NTM: variants seen among roughly 807,000 people sequenced by gnomAD.
NTM encodes IgLON family member 2.
A neutral mutation model predicts 42.1 loss-of-function variants in NTM; 13 were observed. The ratio of observed to expected loss-of-function variants is 0.31; its 90% CI spans 0.20 to 0.49. NTM has a LOEUF of 0.49. Ranked by LOEUF, NTM falls within the 20% of genes least tolerant of loss-of-function variation. The pLI is 0.99. For synonymous variants in NTM, 187 were observed against 179.2 expected, an observed-to-expected ratio of 1.04 and a Z score of -0.35; for missense variants, 373 against 452.8, an observed-to-expected ratio of 0.82 and a Z score of 1.60.
chr11:132,133,702 G>A (rs1361041169), intron 2 of NTM, among the ~76,000 whole-genome samples: 4 of 152,144 alleles, frequency 2.6e-5, no homozygotes, highest in African/African-American at 9.7e-5. Flanking sequence ...GAGGCCTAAC[G>A]TATTTGGGAA....
At chr11:132,306,641 C>A (rs949543600) in intron 4 of NTM, among the ~76,000 whole-genome samples, 7 of 152,142 alleles carry the variant, frequency 4.6e-5, no homozygotes, top group Non-Finnish European at 1.0e-4. Context: ...CTAGGGACAG[C>A]CTTATGCCTG....
chr11:131,929,286 A>G (rs1405187932), intron 2 of NTM, among the ~76,000 whole-genome samples: 1 of 151,914 alleles, frequency 6.6e-6, no homozygotes, highest in African/African-American at 2.4e-5. Context: ...GGCAGATACA[A>G]AGGTGCTGAG....
chr11:131,920,593 T>G (rs11222841), intron 2 of NTM, among the ~76,000 whole-genome samples: 12,214 of 152,278 alleles, frequency 0.08, 528 homozygotes, highest in South Asian at 0.15. Context: ...AAATCTCATT[T>G]ATTCACATTG....
intron 2 of NTM, among the ~76,000 whole-genome samples, chr11:132,071,747 C>A (rs2057705575): frequency 6.6e-6 from 1 of 151,822 alleles, no homozygotes. Context: ...AGAGAAAGAA[C>A]ATTTTTTTTT....
intron 2 of NTM, among the ~76,000 whole-genome samples, chr11:132,018,767 A>G (rs1457907644): frequency 6.6e-6 from 1 of 152,010 alleles, no homozygotes; most frequent in South Asian, 2.1e-4. Flanking sequence ...CTTTTTCTAT[A>G]TTTTGGAAGA....
chr11:131,927,398 G>C (rs979791092), intron 2 of NTM, among the ~76,000 whole-genome samples: 3 of 152,164 alleles, frequency 2.0e-5, no homozygotes, highest in Admixed American at 2.0e-4. Context: ...GCCTGGCCTT[G>C]GAGCCATTGT....
At chr11:131,782,565 C>T (rs187957055) in intron 1 of NTM, among the ~76,000 whole-genome samples, 1 of 152,012 alleles carries the variant, frequency 6.6e-6, no homozygotes, top group African/African-American at 2.4e-5. Flanking sequence ...CTCTATTAAT[C>T]AAAATTATGC....
At chr11:132,028,031 A>ATT (rs1206359276) in intron 2 of NTM, among the ~76,000 whole-genome samples, 2 of 143,800 alleles carry the variant, frequency 1.4e-5, no homozygotes, top group South Asian at 2.2e-4. Context: ...ATTTCTGTTG[A>ATT]TTTTTTTTTT....
intron 2 of NTM, among the ~76,000 whole-genome samples, chr11:132,066,283 C>T (rs573694790): frequency 2.4e-3 from 366 of 152,322 alleles, no homozygotes; most frequent in Non-Finnish European, 4.4e-3. Context: ...GTCTCCTCCA[C>T]CTGAGGAACT....
Position 131,674,368 on chromosome 11 carries a change from A to G in NTM, c.83-237196A>G, listed in dbSNP as rs547223685. Among the ~76,000 whole-genome samples the G allele has an allele frequency of 4.6e-5, 7 of 152,328 alleles. No individual in the cohort carries two copies. The East Asian group carries it at 5.8e-4, about 13-fold the overall frequency. On this transcript the variant is annotated intron_variant, in intron 1 of 8. Transcript: ENST00000683400. The stretch of plus-strand genomic sequence containing the variant: ...GCTGGTATAGTAGGAAGAAAGCTCA[A>G]TCCTAAAGCTCAGTTTGGTGTTTGT...
At chr11:131,657,340 C>T (rs560887804) in intron 1 of NTM, among the ~76,000 whole-genome samples, 34 of 152,112 alleles carry the variant, frequency 2.2e-4, no homozygotes, top group African/African-American at 6.0e-4. Context: ...AGAACTATGC[C>T]GTGCAGGAAG....
At chr11:131,492,199 CACTT>C (rs1179442378) in intron 1 of NTM, among the ~76,000 whole-genome samples, 1 of 152,214 alleles carries the variant, frequency 6.6e-6, no homozygotes, top group African/African-American at 2.4e-5. Flanking sequence ...TACAGCATCT[CACTT>C]ACAGTCCTAA....
chr11:131,389,024 A>AAAAAGAAAAGAAAAGAAAAGAAAAG (rs58205309), intron 1 of NTM, among the ~76,000 whole-genome samples: 114 of 89,896 alleles, frequency 1.3e-3, no homozygotes, highest in African/African-American at 4.6e-3. Context: ...AAAAAAAAAA[A>AAAAAGAAAAGAAAAGAAAAGAAAAG]AAAAGAAAAG....
At position 131,421,076 on chromosome 11, in the gene NTM, G is replaced by A. The variant is rs574925311; in HGVS notation, c.82+50188G>A. ...ACGCAGGCCCCTGCGGGTGTGAGAT[G>A]GGCTGGAAGCTTGAAGAGAATTCGA... is the stretch of plus-strand genomic sequence containing the variant. On this transcript the variant is annotated intron_variant, in intron 1 of 8. Transcript: ENST00000683400. Among the ~76,000 whole-genome samples, 52 of 152,278 alleles carry A rather than the reference G, an allele frequency of 3.4e-4. 1 individual carries two copies. The highest frequency in any genetic ancestry group is 1.3e-3 in the African/African-American group (52 of 41,560).
At chr11:131,597,615 CT>C (rs1345743275) in intron 1 of NTM, among the ~76,000 whole-genome samples, 10 of 152,176 alleles carry the variant, frequency 6.6e-5, no homozygotes, top group African/African-American at 2.2e-4. Flanking sequence ...AAGGAGGGAC[CT>C]TTGAGGGCAA....
chr11:131,760,180 A>T (rs771934817), intron 1 of NTM, among the ~76,000 whole-genome samples: 2 of 152,216 alleles, frequency 1.3e-5, no homozygotes, highest in Non-Finnish European at 2.9e-5. Flanking sequence ...CAACACTGGA[A>T]GTGTTGATAG....
rs1178392737 is a variant in NTM at position 131,873,600 on chromosome 11, ATATATATATACCG to A, written c.83-37952_83-37940del. On this transcript the variant is annotated intron_variant, in intron 1 of 8. Coordinates refer to ENST00000683400, the MANE Select transcript of NTM (RefSeq NM_001352005.2). Reference sequence around the variant, plus strand: ...ATATATATATACCGTATATATATACATATATATATACCGTATATATATACATATATATATACAC... The same window carrying A: ...ATATATATATACCGTATATATATACATATATATATACATATATATATACAC... Among the ~76,000 whole-genome samples, 593 of 100,648 alleles carry A rather than the reference ATATATATATACCG, an allele frequency of 5.9e-3. 26 individuals are homozygous for A. The highest frequency in any genetic ancestry group is 0.023 in the African/African-American group (563 of 24,770). The allele number at this position is 100,648 out of a possible 152,430, so 66.0% of individuals were successfully genotyped here. A position where few individuals can be genotyped will look rare whatever the true frequency, so the allele number is the denominator to read the frequency against.
chr11:131,778,546 A>G (rs562686685), intron 1 of NTM, among the ~76,000 whole-genome samples: 1 of 152,194 alleles, frequency 6.6e-6, no homozygotes, highest in Non-Finnish European at 1.5e-5. Context: ...TTTAGTAGTC[A>G]TCAGGAATTC....
intron 1 of NTM, among the ~76,000 whole-genome samples, chr11:131,824,862 A>C (rs1208836263): frequency 6.6e-6 from 1 of 152,164 alleles, no homozygotes; most frequent in African/African-American, 2.4e-5. Context: ...GCTCTGCTGT[A>C]AGAGGCAGAA....
Sources: allele counts gnomAD v4.1 joint callset (sites outside exome capture counted in the v4.1 genomes callset), GRCh38; gene constraint gnomAD v4.1.1; transcripts MANE v1.5; gene names NCBI Gene and HGNC (gene_info 2026-07-23, HGNC 2026-07-21).